The following ARSB variants were observed in gnomAD, a reference collection of about 807,000 sequenced individuals.
ARSB encodes N-acetylgalactosamine-4-sulfatase.
Under a neutral mutation model 50.9 loss-of-function variants are expected in ARSB, and 41 were observed. The observed-to-expected ratio is 0.81, with a 90% confidence interval of 0.63 to 1.04. The LOEUF is 1.04. Ranked by LOEUF, ARSB falls within the 50% of genes least tolerant of loss-of-function variation. ARSB has a pLI of 0.00. For missense variants in ARSB, 672 were observed against 693.3 expected (o/e 0.97, Z 0.35); for synonymous variants, 269 against 284.8 (o/e 0.94, Z 0.56).
chr5:78,971,810 G>A (rs1225152815), intron 1 of ARSB, among the ~76,000 whole-genome samples: 4 of 152,194 alleles, frequency 2.6e-5, no homozygotes, highest in Non-Finnish European at 4.4e-5. Context: ...TTGATGTGGT[G>A]ATGGTTTCAC....
At chr5:78,953,214 C>T (rs1751560132) in intron 4 of ARSB, among the ~76,000 whole-genome samples, 1 of 152,226 alleles carries the variant, frequency 6.6e-6, no homozygotes. Flanking sequence ...TCTGGCCCTG[C>T]CCAGGCTCCT....
chr5:78,888,531 C>T (rs1748140729), intron 4 of ARSB, among the ~76,000 whole-genome samples: 2 of 152,146 alleles, frequency 1.3e-5, no homozygotes, highest in Non-Finnish European at 2.9e-5. Context: ...TTAGAAGAAG[C>T]CTGTTGTCTC....
At chr5:78,980,402 C>T (rs77658762) in intron 1 of ARSB, among the ~76,000 whole-genome samples, 2,023 of 152,194 alleles carry the variant, frequency 0.013, 60 homozygotes, top group African/African-American at 0.046. Context: ...GACATATGTG[C>T]AAAGTATTCA....
intron 1 of ARSB, among the ~76,000 whole-genome samples, chr5:78,983,860 A>AAT (rs1264168267): frequency 2.6e-5 from 4 of 152,162 alleles, no homozygotes; most frequent in Non-Finnish European, 4.4e-5. Context: ...GCAACATTCA[A>AAT]ATATATATCC....
chr5:78,885,352 A>G (rs1747961628), intron 5 of ARSB: 4 of 613,796 alleles, frequency 6.5e-6, no homozygotes, highest in Middle Eastern at 4.7e-4. Flanking sequence ...ATGGAGGGCG[A>G]TGGGCTGAGG....
rs370550277 is a variant in ARSB at position 78,951,111 on chromosome 5, G to A, written c.898+4184C>T. On this transcript the variant is annotated intron_variant, in intron 4 of 7. Coordinates refer to ENST00000264914, the MANE Select transcript of ARSB (RefSeq NM_000046.5). The stretch of plus-strand genomic sequence containing the variant: ...ACTAATCGCTTAATTTCTTTAAGCG[G>A]CTCACACTGATAATCCTAGCATTTT... Among the ~76,000 whole-genome samples the A allele has an allele frequency of 3.3e-5, 5 of 152,178 alleles. No homozygotes were observed. In the East Asian group the frequency reaches 7.7e-4, roughly 23 times the overall value.
chr5:78,911,163 G>A (rs1033210797), intron 4 of ARSB, among the ~76,000 whole-genome samples: 2 of 152,112 alleles, frequency 1.3e-5, no homozygotes, highest in Non-Finnish European at 2.9e-5. Context: ...TTGGTGAGGA[G>A]TAAATTATAA....
In ARSB at chr5:78,780,326, G is replaced by A; in HGVS notation, c.*71C>T. The A allele has an allele frequency of 6.2e-7, 1 of 1,605,672 alleles. No homozygotes were observed. On this transcript the variant is annotated 3_prime_UTR_variant, in exon 8 of 8. Coordinates refer to ENST00000264914, the MANE Select transcript of ARSB (RefSeq NM_000046.5). ...GTGAACCCAGGTTGGGATAACAAATGAGACAAGAGTCGTGAGAAAAGGCCT... is the reference window on the plus strand; with the variant it reads ...GTGAACCCAGGTTGGGATAACAAATAAGACAAGAGTCGTGAGAAAAGGCCT...
At chr5:78,849,638 A>T (rs748413862) in intron 5 of ARSB, among the ~76,000 whole-genome samples, 72 of 151,404 alleles carry the variant, frequency 4.8e-4, no homozygotes, top group South Asian at 2.5e-3. Flanking sequence ...TTGAATCTAT[A>T]AATTACCTTG....
In ARSB at chr5:78,817,722, T is replaced by G. The variant is rs530107371; in HGVS notation, c.1213+21634A>C. 2.0e-5 allele frequency among the ~76,000 whole-genome samples: 3 copies of G among 152,018 alleles called. No homozygotes were observed. The South Asian group carries it at 6.2e-4, about 32-fold the overall frequency. On this transcript the variant is annotated intron_variant, in intron 6 of 7. Coordinates refer to ENST00000264914, the MANE Select transcript of ARSB (RefSeq NM_000046.5). ...TACTCAGGAGGCTGAGGCAGGAGAA[T>G]CTCCTGAACCTGGGAGGCAAGGGTT...
Position 78,789,769 on chromosome 5 carries a change from T to G in ARSB, c.1214-7795A>C, listed in dbSNP as rs1484459733. The stretch of plus-strand genomic sequence containing the variant: ...AGCAAACATAATACAGATGAGGCAT[T>G]GTTTTAAGCACTTGGTGTCTAATTT... On this transcript the variant is annotated intron_variant, in intron 6 of 7. Transcript: ENST00000264914. 3.9e-5 allele frequency among the ~76,000 whole-genome samples: 6 copies of G among 152,180 alleles called. No homozygotes were observed. The South Asian group carries it at 6.2e-4, about 16-fold the overall frequency.
chr5:78,960,663 C>T (rs1561528219), intron 3 of ARSB, among the ~76,000 whole-genome samples: 1 of 152,156 alleles, frequency 6.6e-6, no homozygotes, highest in Admixed American at 6.6e-5. Flanking sequence ...CTCCCGGGTT[C>T]AAGCGATTCT....
chr5:78,919,422 T>C (rs969010747), intron 4 of ARSB, among the ~76,000 whole-genome samples: 3 of 152,212 alleles, frequency 2.0e-5, no homozygotes, highest in African/African-American at 4.8e-5. Context: ...CACTTTTGTG[T>C]GCTTAGTGTG....
At chr5:78,853,353 G>A (rs543506532) in intron 5 of ARSB, among the ~76,000 whole-genome samples, 102 of 152,236 alleles carry the variant, frequency 6.7e-4, no homozygotes, top group African/African-American at 2.3e-3. Context: ...TATCAGCAGC[G>A]GTGGCTGCAG....
intron 4 of ARSB, among the ~76,000 whole-genome samples, chr5:78,949,618 G>T (rs779125152): frequency 6.6e-6 from 1 of 152,142 alleles, no homozygotes. Flanking sequence ...TTCTGGTAAG[G>T]CTTAATACAG....
At chr5:78,788,457 A>T (rs1344890784) in intron 6 of ARSB, among the ~76,000 whole-genome samples, 1 of 152,192 alleles carries the variant, frequency 6.6e-6, no homozygotes, top group Non-Finnish European at 1.5e-5. Flanking sequence ...AGTAACTCAG[A>T]AGTTGTCTTG....
At chr5:78,904,653 A>G (rs1464598577) in intron 4 of ARSB, among the ~76,000 whole-genome samples, 1 of 146,070 alleles carries the variant, frequency 6.8e-6, no homozygotes, top group Non-Finnish European at 1.5e-5. Flanking sequence ...TCTGTGTTTC[A>G]GGCTGTATAA....
At chr5:78,833,332 G>A (rs1350352751) in intron 6 of ARSB, among the ~76,000 whole-genome samples, 1 of 69,682 alleles carries the variant, frequency 1.4e-5, no homozygotes, top group African/African-American at 5.9e-5. Context: ...TGTGCTGCTG[G>A]ACGAAGACAG....
Position 78,780,430 on chromosome 5 carries a change from G to A in ARSB, c.1569C>T (p.Pro523=). Residue 523 remains proline, a synonymous_variant, in exon 8 of 8, where the codon CCC becomes CCT. Coordinates refer to ENST00000264914, the MANE Select transcript of ARSB (RefSeq NM_000046.5). ...AAGGGCCCCACACCCCAGTGGCCTT[G>A]GGATCACAGCGGGGGTCCTGTGCAG... is the stretch of plus-strand genomic sequence containing the variant. ...YFPAQDPRCD[P]KATGVWGPWM is the part of the protein sequence containing the mutation. 6.2e-7 allele frequency: 1 copy of A among 1,614,148 alleles called. No individual in the cohort carries two copies. The highest frequency in any genetic ancestry group is 1.1e-5 in the South Asian group (1 of 91,084).
Sources: allele counts gnomAD v4.1 joint callset (sites outside exome capture counted in the v4.1 genomes callset), GRCh38; gene constraint gnomAD v4.1.1; transcripts MANE v1.5; gene names NCBI Gene and HGNC (gene_info 2026-07-23, HGNC 2026-07-21).